PITPNC1: variants seen among roughly 807,000 people sequenced by gnomAD.
PITPNC1 encodes cytoplasmic phosphatidylinositol transfer protein 1.
PITPNC1 carries 18 observed loss-of-function variants against 44.7 expected under a neutral mutation model. The observed-to-expected ratio is 0.40, with a 90% confidence interval of 0.28 to 0.60. The LOEUF is 0.60. Among genes scored for constraint, PITPNC1 ranks in the 20% least tolerant of loss-of-function variants. The pLI, the probability that PITPNC1 is intolerant of heterozygous loss-of-function variation, is 0.39. For missense variants in PITPNC1, 290 were observed against 418.4 expected (o/e 0.69, Z 2.68); for synonymous variants, 141 against 149.6 (o/e 0.94, Z 0.42).
intron 5 of PITPNC1, among the ~76,000 whole-genome samples, chr17:67,600,833 A>G (rs1362082273): frequency 6.6e-6 from 1 of 151,708 alleles, no homozygotes; most frequent in African/African-American, 2.4e-5. Context: ...AAATAACAGA[A>G]AAGCAATATT....
intron 8 of PITPNC1, among the ~76,000 whole-genome samples, chr17:67,677,156 A>G (rs1327056860): frequency 6.6e-6 from 1 of 152,124 alleles, no homozygotes; most frequent in Non-Finnish European, 1.5e-5. Flanking sequence ...CCAAGAAAGG[A>G]TAAGAACTTC....
At chr17:67,447,924 CTCTT>C (rs970359559) in intron 1 of PITPNC1, among the ~76,000 whole-genome samples, 73 of 151,380 alleles carry the variant, frequency 4.8e-4, no homozygotes, top group African/African-American at 1.7e-3. Flanking sequence ...CTCTGTCTCT[CTCTT>C]TCTTTCTCCT....
chr17:67,528,693 C>T (rs1358254260), intron 1 of PITPNC1, among the ~76,000 whole-genome samples: 1 of 152,198 alleles, frequency 6.6e-6, no homozygotes, highest in Non-Finnish European at 1.5e-5. Flanking sequence ...TCTGCTGCAG[C>T]GGTTCTCAGC....
intron 4 of PITPNC1, among the ~76,000 whole-genome samples, chr17:67,576,474 G>C (rs1440364670): frequency 6.6e-6 from 1 of 152,160 alleles, no homozygotes; most frequent in Admixed American, 6.6e-5. Context: ...CATGTATAAG[G>C]GATCCAGCCT....
At chr17:67,490,271 T>C (rs1169988397) in intron 1 of PITPNC1, among the ~76,000 whole-genome samples, 2 of 152,082 alleles carry the variant, frequency 1.3e-5, no homozygotes, top group Non-Finnish European at 2.9e-5. Flanking sequence ...TACTTGTGTG[T>C]GTGTGTGTGT....
chr17:67,425,203 G>GCGCGCACACA (rs1370190915), intron 1 of PITPNC1, among the ~76,000 whole-genome samples: 1 of 98,780 alleles, frequency 1.0e-5, no homozygotes, highest in African/African-American at 4.2e-5. Flanking sequence ...GCACGCACAC[G>GCGCGCACACA]CACACACACA....
chr17:67,493,247 T>C (rs2039887439), intron 1 of PITPNC1, among the ~76,000 whole-genome samples: 1 of 152,184 alleles, frequency 6.6e-6, no homozygotes, highest in Admixed American at 6.5e-5. Context: ...GAATATTCCA[T>C]GTCTCAGAAG....
chr17:67,648,520 C>T (rs906398940), intron 6 of PITPNC1, among the ~76,000 whole-genome samples: 4 of 152,150 alleles, frequency 2.6e-5, no homozygotes, highest in African/African-American at 7.2e-5. Flanking sequence ...TTAGAGGTTA[C>T]CTTGAACTAT....
chr17:67,628,107 G>T (rs2706709), intron 5 of PITPNC1, among the ~76,000 whole-genome samples: 148,470 of 152,070 alleles, frequency 0.98, 72,481 homozygotes, highest in East Asian at 0.99. Flanking sequence ...TTCACCATGT[G>T]GACCAAGCTG....
intron 1 of PITPNC1, among the ~76,000 whole-genome samples, chr17:67,435,362 G>A (rs780390259): frequency 3.9e-5 from 6 of 152,176 alleles, no homozygotes; most frequent in African/African-American, 1.4e-4. Context: ...CGGGGCCATT[G>A]TAGGCATTTT....
chr17:67,659,997 C>T (rs1195528463), intron 6 of PITPNC1, among the ~76,000 whole-genome samples: 1 of 152,172 alleles, frequency 6.6e-6, no homozygotes, highest in Non-Finnish European at 1.5e-5. Flanking sequence ...TCTTGTGCCT[C>T]AGCCTCCCAA....
At chr17:67,381,061 C>T (rs1383742941) in intron 1 of PITPNC1, among the ~76,000 whole-genome samples, 1 of 150,372 alleles carries the variant, frequency 6.7e-6, no homozygotes, top group Non-Finnish European at 1.5e-5. Flanking sequence ...GGTGCGGTGG[C>T]TCACGCCTGT....
chr17:67,614,411 C>G (rs1030821800), intron 5 of PITPNC1, among the ~76,000 whole-genome samples: 1 of 151,916 alleles, frequency 6.6e-6, no homozygotes, highest in African/African-American at 2.4e-5. Flanking sequence ...TGGTTCACGC[C>G]TATAATCCCA....
At chr17:67,431,903 GTCTCT>G (rs1054224167) in intron 1 of PITPNC1, among the ~76,000 whole-genome samples, 5 of 152,040 alleles carry the variant, frequency 3.3e-5, no homozygotes, top group African/African-American at 1.2e-4. Flanking sequence ...TTTATCTTTA[GTCTCT>G]TCTCTTTGGC....
At chr17:67,480,316 G>C (rs2144025370) in intron 1 of PITPNC1, among the ~76,000 whole-genome samples, 1 of 152,188 alleles carries the variant, frequency 6.6e-6, no homozygotes, top group African/African-American at 2.4e-5. Flanking sequence ...CCAGAAAGAG[G>C]GAACATCTTT....
chr17:67,382,073 C>T (rs2037969473), intron 1 of PITPNC1, among the ~76,000 whole-genome samples: 1 of 152,132 alleles, frequency 6.6e-6, no homozygotes, highest in Non-Finnish European at 1.5e-5. Flanking sequence ...ATTTGTTTTT[C>T]CTTACTCTGC....
rs869140380 is a variant in PITPNC1 at position 67,380,774 on chromosome 17, CT to C, written c.48+2583del. On this transcript the variant is annotated intron_variant, in intron 1 of 8. Transcript: ENST00000581322. ...GTTTAGGTAAACTTTGGAAGCCTAA[CT>C]TTTTTTTTTTCTTTTTGAGACACGG... 3.2e-4 allele frequency among the ~76,000 whole-genome samples: 48 copies of C among 148,206 alleles called. No homozygotes were observed. In the East Asian group the frequency reaches 4.8e-3, roughly 15 times the overall value.
intron 1 of PITPNC1, among the ~76,000 whole-genome samples, chr17:67,401,498 A>G (rs1019682450): frequency 1.3e-5 from 2 of 152,186 alleles, no homozygotes; most frequent in Non-Finnish European, 2.9e-5. Flanking sequence ...TTCTACCACT[A>G]TAGTGACAAA....
intron 1 of PITPNC1, among the ~76,000 whole-genome samples, chr17:67,528,234 G>T (rs1205662851): frequency 6.6e-6 from 1 of 152,116 alleles, no homozygotes; most frequent in Non-Finnish European, 1.5e-5. Flanking sequence ...TAGAGACGGG[G>T]TTTTGCCATG....
Sources: gnomAD v4.1 joint callset for allele counts (sites outside exome capture counted in the v4.1 genomes callset) on GRCh38, gnomAD v4.1.1 for gene constraint, MANE v1.5 for transcripts, NCBI Gene and HGNC (gene_info 2026-07-23, HGNC 2026-07-21) for gene names.